MAP3K5: variants seen among roughly 807,000 people sequenced by gnomAD.
MAP3K5 encodes ASK-1.
In MAP3K5, 56 loss-of-function variants were observed where a neutral mutation model predicts 158.7. The observed-to-expected ratio is 0.35, with a 90% CI of 0.28 to 0.44. The LOEUF (loss-of-function observed/expected upper bound fraction) is 0.44. Ranked by LOEUF, MAP3K5 falls within the 20% of genes least tolerant of loss-of-function variation. MAP3K5 has a pLI of 1.00. For missense variants in MAP3K5, 1,294 were observed against 1,674.8 expected, an observed-to-expected ratio of 0.77 and a Z score of 3.97; for synonymous variants, 579 against 601.7, an observed-to-expected ratio of 0.96 and a Z score of 0.55.
At chr6:136,616,299 T>C (rs1776559025) in intron 15 of MAP3K5, among the ~76,000 whole-genome samples, 1 of 139,470 alleles carries the variant, frequency 7.2e-6, no homozygotes, top group East Asian at 2.5e-4. Context: ...TACCTGCTCC[T>C]CTTTTTTTTT....
At chr6:136,656,141 T>G (rs1488109956) in intron 10 of MAP3K5, 166 bp downstream of exon 10, 2 of 583,476 alleles carry the variant, frequency 3.4e-6, no homozygotes, top group Admixed American at 3.3e-5. Context: ...GAGAAGTTAT[T>G]TTTAAAAGTA....
chr6:136,750,050 T>C (rs1783132797), intron 1 of MAP3K5, among the ~76,000 whole-genome samples: 1 of 151,936 alleles, frequency 6.6e-6, no homozygotes, highest in South Asian at 2.1e-4. Context: ...TCATCCTCTC[T>C]CCACACCCCA....
At chr6:136,593,712 T>C (rs1367205170) in intron 21 of MAP3K5, 2 of 383,584 alleles carry the variant, frequency 5.2e-6, no homozygotes, top group Admixed American at 3.7e-5. Flanking sequence ...TGGACAGATA[T>C]GCAAAAAAAA....
At chr6:136,761,423 G>C (rs1053388788) in intron 1 of MAP3K5, among the ~76,000 whole-genome samples, 2 of 152,098 alleles carry the variant, frequency 1.3e-5, no homozygotes, top group African/African-American at 4.8e-5. Flanking sequence ...GAGGACAGAA[G>C]GTTCTCAGAG....
intron 9 of MAP3K5, 26 bp from the exon 10 acceptor site, chr6:136,656,486 GT>G: frequency 6.8e-7 from 1 of 1,474,720 alleles, no homozygotes; most frequent in Non-Finnish European, 9.2e-7. Flanking sequence ...TATAAAACAT[GT>G]AACAGACAAA....
intron 25 of MAP3K5, among the ~76,000 whole-genome samples, chr6:136,569,573 C>T: frequency 6.6e-6 from 1 of 152,300 alleles, no homozygotes; most frequent in Middle Eastern, 3.4e-3. Flanking sequence ...ACCTCCCAAT[C>T]CCTGCCAGAT....
chr6:136,631,879 C>T (rs1251981526), intron 14 of MAP3K5, among the ~76,000 whole-genome samples: 1 of 152,076 alleles, frequency 6.6e-6, no homozygotes, highest in East Asian at 1.9e-4. Context: ...ACAGTCCAGT[C>T]CAGTGCAGGC....
chr6:136,624,197 G>GA (rs1463801581), intron 14 of MAP3K5, among the ~76,000 whole-genome samples: 26 of 149,590 alleles, frequency 1.7e-4, no homozygotes, highest in Non-Finnish European at 1.3e-4. Context: ...CCATCTCAAA[G>GA]AAAAAAAAAT....
Position 136,651,162 on chromosome 6 carries a change from C to A in MAP3K5, c.1681-71G>T, listed in dbSNP as rs41288963. 1.6e-3 allele frequency: 1,132 copies of A among 729,780 alleles called. 3 individuals carry two copies. The highest frequency in any genetic ancestry group is 2.4e-3 in the Non-Finnish European group (989 of 419,696). The allele number at this position is 729,780 out of a possible 1,614,324, so 45.2% of individuals were successfully genotyped here. The stretch of plus-strand genomic sequence containing the variant: ...GAAACCACTTAGAGCTGCTATAACA[C>A]CCCAGCACCAACGTAGAGGATTATT... On this transcript the variant is annotated intron_variant, in intron 10 of 29. Transcript: ENST00000359015.
intron 24 of MAP3K5, among the ~76,000 whole-genome samples, chr6:136,582,415 G>A (rs1189227995): frequency 6.6e-6 from 1 of 152,182 alleles, no homozygotes; most frequent in Admixed American, 6.5e-5. Flanking sequence ...GTGTGGGCAA[G>A]TGCAAATTAG....
chr6:136,761,575 A>G (rs1309562408), intron 1 of MAP3K5, among the ~76,000 whole-genome samples: 1 of 152,216 alleles, frequency 6.6e-6, no homozygotes, highest in Non-Finnish European at 1.5e-5. Context: ...AAATAAGCAC[A>G]GAAGGACAGA....
chr6:136,629,529 G>T (rs935551399), intron 14 of MAP3K5, among the ~76,000 whole-genome samples: 8 of 145,896 alleles, frequency 5.5e-5, no homozygotes, highest in African/African-American at 2.0e-4. Context: ...ATCTCAGCTC[G>T]CTGCAAGCTC....
chr6:136,587,701 C>A (rs1166662358), intron 23 of MAP3K5, among the ~76,000 whole-genome samples: 1 of 152,204 alleles, frequency 6.6e-6, no homozygotes, highest in South Asian at 2.1e-4. Context: ...AAGGGCCCCA[C>A]CATCATGTGG....
At chr6:136,595,941 C>T (rs1304441764) in intron 21 of MAP3K5, among the ~76,000 whole-genome samples, 3 of 151,994 alleles carry the variant, frequency 2.0e-5, no homozygotes, top group African/African-American at 4.8e-5. Context: ...ACCCAGGAGG[C>T]GGAAGTTGCA....
intron 1 of MAP3K5, among the ~76,000 whole-genome samples, chr6:136,727,888 G>T (rs1277186336): frequency 6.6e-6 from 1 of 151,904 alleles, no homozygotes. Flanking sequence ...GGTGAACCCA[G>T]GAGGCGCAGC....
intron 1 of MAP3K5, among the ~76,000 whole-genome samples, chr6:136,761,601 G>A (rs73564030): frequency 0.019 from 2,896 of 152,274 alleles, 98 homozygotes; most frequent in African/African-American, 0.066. Flanking sequence ...ACCAGGGTGA[G>A]GAGATCCCAA....
At chr6:136,734,320 T>G (rs1782357654) in intron 1 of MAP3K5, among the ~76,000 whole-genome samples, 2 of 147,328 alleles carry the variant, frequency 1.4e-5, no homozygotes, top group African/African-American at 5.1e-5. Context: ...CTTGGGAGAC[T>G]GAGGCAGGAA....
At chr6:136,703,370 A>T (rs1780934572) in intron 3 of MAP3K5, among the ~76,000 whole-genome samples, 1 of 152,230 alleles carries the variant, frequency 6.6e-6, no homozygotes, top group African/African-American at 2.4e-5. Context: ...GGACACTGAC[A>T]TAATGGCTAC....
intron 15 of MAP3K5, among the ~76,000 whole-genome samples, chr6:136,620,986 T>G (rs994324708): frequency 6.6e-6 from 1 of 152,204 alleles, no homozygotes; most frequent in Non-Finnish European, 1.5e-5. Context: ...CTATGTGAGA[T>G]TCAACTCATT....
Sources: gnomAD v4.1 joint callset for allele counts (sites outside exome capture counted in the v4.1 genomes callset) on GRCh38, gnomAD v4.1.1 for gene constraint, MANE v1.5 for transcripts, NCBI Gene and HGNC (gene_info 2026-07-23, HGNC 2026-07-21) for gene names.